CDH13: variants seen among roughly 807,000 people sequenced by gnomAD.
The protein encoded by CDH13 is cadherin-13.
A neutral mutation model predicts 63.8 loss-of-function variants in CDH13; 24 were observed. The ratio of observed to expected loss-of-function variants is 0.38; its 90% CI spans 0.27 to 0.53. The LOEUF is 0.53. Among genes scored for constraint, CDH13 ranks in the 20% least tolerant of loss-of-function variants. The pLI is 0.85. For missense variants in CDH13, 1,049 were observed against 903.1 expected, an observed-to-expected ratio of 1.16 and a Z score of -2.07; for synonymous variants, 503 against 355.3, an observed-to-expected ratio of 1.42 and a Z score of -4.67.
chr16:83,433,766 C>T (rs1244984304), intron 6 of CDH13, among the ~76,000 whole-genome samples: 2 of 152,206 alleles, frequency 1.3e-5, no homozygotes, highest in African/African-American at 4.8e-5. Context: ...TGTCACATTA[C>T]ACTTGTTTAT....
At chr16:82,725,180 T>A (rs1172004200) in intron 1 of CDH13, among the ~76,000 whole-genome samples, 2 of 151,624 alleles carry the variant, frequency 1.3e-5, no homozygotes, top group African/African-American at 4.8e-5. Flanking sequence ...ATGATGATGA[T>A]TTGGAACTAG....
intron 6 of CDH13, among the ~76,000 whole-genome samples, chr16:83,479,646 G>A (rs1056435521): frequency 4.7e-5 from 4 of 84,318 alleles, no homozygotes; most frequent in African/African-American, 2.0e-4. Flanking sequence ...GACTGAGTGA[G>A]ACTCCGTCTC....
intron 11 of CDH13, among the ~76,000 whole-genome samples, chr16:83,767,931 G>A (rs975226543): frequency 6.6e-6 from 1 of 152,138 alleles, no homozygotes; most frequent in Non-Finnish European, 1.5e-5. Flanking sequence ...GGTGATGGTC[G>A]CACAACTCTG....
intron 3 of CDH13, among the ~76,000 whole-genome samples, chr16:83,040,081 C>G (rs981065446): frequency 6.6e-6 from 1 of 151,680 alleles, no homozygotes; most frequent in Non-Finnish European, 1.5e-5. Flanking sequence ...GGCCCTCGCT[C>G]CCATGCAGCA....
intron 9 of CDH13, among the ~76,000 whole-genome samples, chr16:83,676,335 T>C (rs1018671491): frequency 2.0e-5 from 3 of 152,162 alleles, no homozygotes; most frequent in African/African-American, 7.2e-5. Flanking sequence ...GAAATGGCCC[T>C]TGGGGGACTG....
At chr16:83,722,514 A>G (rs971481040) in intron 10 of CDH13, among the ~76,000 whole-genome samples, 25 of 152,326 alleles carry the variant, frequency 1.6e-4, no homozygotes, top group African/African-American at 5.3e-4. Flanking sequence ...AATTAGACAA[A>G]CACTATTAAT....
chr16:83,627,314 A>G (rs1567465291), intron 8 of CDH13, among the ~76,000 whole-genome samples: 1 of 152,080 alleles, frequency 6.6e-6, no homozygotes, highest in African/African-American at 2.4e-5. Context: ...AAAGATTCCT[A>G]TTCATGGACC....
At chr16:82,720,171 G>T (rs1290189750) in intron 1 of CDH13, among the ~76,000 whole-genome samples, 1 of 152,034 alleles carries the variant, frequency 6.6e-6, no homozygotes, top group Non-Finnish European at 1.5e-5. Flanking sequence ...GAGTGACGGT[G>T]GTCGTAGTGG....
At chr16:83,753,725 G>A (rs1395722811) in intron 11 of CDH13, among the ~76,000 whole-genome samples, 1 of 152,018 alleles carries the variant, frequency 6.6e-6, no homozygotes, top group Non-Finnish European at 1.5e-5. Flanking sequence ...GAGTAACTCA[G>A]GAATTTATGC....
intron 6 of CDH13, among the ~76,000 whole-genome samples, chr16:83,438,264 C>T (rs953324535): frequency 6.6e-6 from 1 of 152,192 alleles, no homozygotes; most frequent in South Asian, 2.1e-4. Flanking sequence ...CTCCATCACC[C>T]CAACTGCAGG....
At chr16:83,486,403 CA>C (rs1325903685) in intron 6 of CDH13, 73 bp from the exon 7 acceptor site, 1 of 1,318,358 alleles carries the variant, frequency 7.6e-7, no homozygotes, top group African/African-American at 1.4e-5. Flanking sequence ...TGCTATTGCC[CA>C]GGTGGGGAAG....
intron 5 of CDH13, among the ~76,000 whole-genome samples, chr16:83,287,718 G>T (rs1022798696): frequency 1.3e-5 from 2 of 152,076 alleles, no homozygotes; most frequent in African/African-American, 4.8e-5. Context: ...GAAATAAAGT[G>T]CACCATAAAT....
intron 11 of CDH13, among the ~76,000 whole-genome samples, chr16:83,766,988 C>T (rs1441373666): frequency 6.6e-6 from 1 of 152,172 alleles, no homozygotes; most frequent in Non-Finnish European, 1.5e-5. Context: ...GCCTCCCCAG[C>T]AACTCGGAAC....
chr16:82,854,440 A>C (rs2039612127), intron 1 of CDH13, among the ~76,000 whole-genome samples: 1 of 151,878 alleles, frequency 6.6e-6, no homozygotes, highest in Admixed American at 6.6e-5. Context: ...ATCAGAAGAC[A>C]ATAGCAGTAA....
At chr16:82,781,702 A>T (rs2035762656) in intron 1 of CDH13, among the ~76,000 whole-genome samples, 1 of 152,160 alleles carries the variant, frequency 6.6e-6, no homozygotes, top group Non-Finnish European at 1.5e-5. Context: ...CTCCCCTCTC[A>T]TCCATCAATA....
At chr16:83,048,633 C>T (rs978477212) in intron 3 of CDH13, among the ~76,000 whole-genome samples, 1 of 152,144 alleles carries the variant, frequency 6.6e-6, no homozygotes, top group Non-Finnish European at 1.5e-5. Flanking sequence ...TTTTCCATCT[C>T]TGAGTACCCC....
At chr16:82,983,977 G>C (rs1451200598) in intron 2 of CDH13, among the ~76,000 whole-genome samples, 2 of 152,194 alleles carry the variant, frequency 1.3e-5, no homozygotes, top group African/African-American at 4.8e-5. Context: ...ATCTGCCATA[G>C]ATACAAGGAC....
At chr16:83,151,904 G>A (rs1233239429) in intron 4 of CDH13, among the ~76,000 whole-genome samples, 1 of 151,778 alleles carries the variant, frequency 6.6e-6, no homozygotes, top group African/African-American at 2.4e-5. Flanking sequence ...GGAGGTTGCA[G>A]TGAGCCAAGA....
intron 1 of CDH13, chr16:82,826,665 C>G (rs960835111): frequency 6.6e-6 from 1 of 152,146 alleles, no homozygotes; most frequent in Non-Finnish European, 1.5e-5. Flanking sequence ...TTTTAAATTG[C>G]TTCGTACAAT....
Sources: gnomAD v4.1 joint callset for allele counts (sites outside exome capture counted in the v4.1 genomes callset) on GRCh38, gnomAD v4.1.1 for gene constraint, MANE v1.5 for transcripts, NCBI Gene and HGNC (gene_info 2026-07-23, HGNC 2026-07-21) for gene names.